The following SLC38A1 variants were observed in gnomAD, a reference collection of about 807,000 sequenced individuals.
SLC38A1 encodes the protein solute carrier family 38 member 1, also known as sodium-coupled neutral amino acid symporter 1.
A neutral mutation model predicts 60.3 loss-of-function variants in SLC38A1; 18 were observed. The observed-to-expected ratio is 0.30, with a 90% CI of 0.21 to 0.44. SLC38A1 has a LOEUF of 0.44. SLC38A1 is among the 20% of genes least tolerant of loss of function. The pLI is 1.00. For synonymous variants in SLC38A1, 196 were observed against 212.1 expected (o/e 0.92, Z 0.66); for missense variants, 448 against 587.2 (o/e 0.76, Z 2.45).
intron 5 of SLC38A1, among the ~76,000 whole-genome samples, chr12:46,209,426 T>G (rs772750615): frequency 6.6e-6 from 1 of 152,146 alleles, no homozygotes; most frequent in African/African-American, 2.4e-5. Context: ...GAAAGAAGGC[T>G]TTTGTAGTCT....
At chr12:46,258,101 G>A (rs1942089093) in intron 1 of SLC38A1, among the ~76,000 whole-genome samples, 1 of 152,202 alleles carries the variant, frequency 6.6e-6, no homozygotes, top group Non-Finnish European at 1.5e-5. Flanking sequence ...TGGTGGGAGT[G>A]TAGCAGTGAG....
chr12:46,257,719 G>A (rs993143049), intron 1 of SLC38A1, among the ~76,000 whole-genome samples: 6 of 152,120 alleles, frequency 3.9e-5, no homozygotes, highest in African/African-American at 1.4e-4. Flanking sequence ...GCTAGCCTTT[G>A]GATCAGGGGT....
At chr12:46,215,580 G>T (rs1419268833) in intron 5 of SLC38A1, among the ~76,000 whole-genome samples, 1 of 152,056 alleles carries the variant, frequency 6.6e-6, no homozygotes, top group Non-Finnish European at 1.5e-5. Context: ...GCTAATTTTT[G>T]TATTTTTTAG....
At position 46,205,939 on chromosome 12, in the gene SLC38A1, C is replaced by T. The variant is rs1185770348; in HGVS notation, c.646+141G>A. 2.7e-5 allele frequency: 14 copies of T among 515,376 alleles called. No individual in the cohort carries two copies. The East Asian group carries it at 2.9e-4, about 11-fold the overall frequency. The allele number at this position is 515,376 out of a possible 1,614,324, so 31.9% of individuals were successfully genotyped here. Reference sequence around the variant, plus strand: ...TTTTATCCCATATTAAAGTTGGGACCGATTAATACTTGCAATTTATCATGT... The same window carrying T: ...TTTTATCCCATATTAAAGTTGGGACTGATTAATACTTGCAATTTATCATGT... On this transcript the variant is annotated intron_variant, in intron 9 of 16. Coordinates refer to ENST00000398637, the MANE Select transcript of SLC38A1 (RefSeq NM_030674.4).
chr12:46,242,904 CT>C (rs1393904918), intron 2 of SLC38A1, among the ~76,000 whole-genome samples: 1 of 152,036 alleles, frequency 6.6e-6, no homozygotes, highest in Non-Finnish European at 1.5e-5. Context: ...TAAGATTTTT[CT>C]TCCTTTTCTC....
intron 13 of SLC38A1, among the ~76,000 whole-genome samples, chr12:46,200,459 A>T (rs1384839134): frequency 6.6e-6 from 1 of 152,116 alleles, no homozygotes; most frequent in African/African-American, 2.4e-5. Context: ...TAGGTCCCCA[A>T]TTATAAAGAT....
At chr12:46,255,200 G>A (rs12580460) in intron 1 of SLC38A1, among the ~76,000 whole-genome samples, 80,041 of 152,018 alleles carry the variant, frequency 0.53, 21,191 homozygotes, top group Non-Finnish European at 0.55. Flanking sequence ...ACAAGAAAAC[G>A]ATTGTCTGTG....
In SLC38A1 at chr12:46,200,370, CAT is replaced by C. The variant is rs559996976; in HGVS notation, c.1003+726_1003+727del. On this transcript the variant is annotated intron_variant, in intron 13 of 16. Coordinates refer to ENST00000398637, the MANE Select transcript of SLC38A1 (RefSeq NM_030674.4). Reference sequence around the variant, plus strand: ...AGTAGAGAAGATTGTGAAATACATACATATATATATATATACACACACATATA... The same window carrying C: ...AGTAGAGAAGATTGTGAAATACATACATATATATATATACACACACATATA... Among the ~76,000 whole-genome samples the C allele has an allele frequency of 2.6e-3, 389 of 149,366 alleles. 1 individual carries two copies. The highest frequency in any genetic ancestry group is 7.2e-3 in the African/African-American group (295 of 40,826).
chr12:46,222,500 T>C (rs1369216030), intron 5 of SLC38A1, among the ~76,000 whole-genome samples: 1 of 152,204 alleles, frequency 6.6e-6, no homozygotes, highest in African/African-American at 2.4e-5. Flanking sequence ...AATACTATGC[T>C]ACGCAGTAAC....
Position 46,268,882 on chromosome 12 carries a change from C to CTGAG in SLC38A1, c.-569_-566dup. On this transcript the variant is annotated 5_prime_UTR_variant, in exon 1 of 17. An upstream open reading frame in the 5' UTR loses its in-frame stop. Coordinates refer to ENST00000398637, the MANE Select transcript of SLC38A1 (RefSeq NM_030674.4). The surrounding 1 kb of genome is among the most constrained non-coding windows in gnomAD (Gnocchi z 4.4). ...GCACTTACATCGACATGCACCGGCG[C>CTGAG]TGAGGGTCACGAATCGGAGTCATTC... 2.2e-6 allele frequency: 1 copy of CTGAG among 455,968 alleles called. No homozygotes were observed. Among genetic ancestry groups the CTGAG allele is most frequent in the South Asian group, 1.6e-5 (1 of 64,490 alleles). The allele number at this position is 455,968 out of a possible 1,614,324, so 28.2% of individuals were successfully genotyped here.
At chr12:46,235,627 G>A (rs1941233137) in intron 3 of SLC38A1, among the ~76,000 whole-genome samples, 1 of 152,110 alleles carries the variant, frequency 6.6e-6, no homozygotes, top group Non-Finnish European at 1.5e-5. Flanking sequence ...AAGAAGTTAT[G>A]GAATCTTCTT....
intron 2 of SLC38A1, 81 bp from the exon 3 acceptor site, chr12:46,239,974 A>T: frequency 1.7e-6 from 1 of 592,964 alleles, no homozygotes; most frequent in Admixed American, 3.0e-5. Flanking sequence ...ATAAACAAGT[A>T]GTTAATTTAC....
chr12:46,217,433 G>T (rs1382764749), intron 5 of SLC38A1, among the ~76,000 whole-genome samples: 1 of 152,194 alleles, frequency 6.6e-6, no homozygotes, highest in Admixed American at 6.5e-5. Flanking sequence ...CGAACAGAGA[G>T]ACTTTGCGTG....
chr12:46,220,999 G>T (rs1940636227), intron 5 of SLC38A1, among the ~76,000 whole-genome samples: 1 of 152,078 alleles, frequency 6.6e-6, no homozygotes, highest in African/African-American at 2.4e-5. Context: ...AGGCTCAATT[G>T]TAAAACACTA....
At chr12:46,261,949 T>C (rs1942209795) in intron 1 of SLC38A1, among the ~76,000 whole-genome samples, 1 of 152,160 alleles carries the variant, frequency 6.6e-6, no homozygotes, top group African/African-American at 2.4e-5. Context: ...CCAGGGATGC[T>C]GGTAAACATC....
chr12:46,191,134 T>G (rs1033024370), intron 16 of SLC38A1, among the ~76,000 whole-genome samples: 18 of 152,218 alleles, frequency 1.2e-4, no homozygotes, highest in African/African-American at 4.3e-4. Context: ...GGGATTCAGT[T>G]TCAGCTTTCT....
intron 9 of SLC38A1, among the ~76,000 whole-genome samples, chr12:46,205,186 G>A (rs564282326): frequency 3.3e-5 from 5 of 151,948 alleles, no homozygotes; most frequent in East Asian, 1.9e-4. Flanking sequence ...GTAGCCTCTC[G>A]GGACTGCATT....
intron 5 of SLC38A1, among the ~76,000 whole-genome samples, chr12:46,221,329 C>G (rs942287115): frequency 1.3e-5 from 2 of 152,082 alleles, no homozygotes; most frequent in African/African-American, 4.8e-5. Context: ...AGCAATTTAA[C>G]AACAAATGCC....
At chr12:46,257,713 G>A (rs184034399) in intron 1 of SLC38A1, among the ~76,000 whole-genome samples, 1 of 152,146 alleles carries the variant, frequency 6.6e-6, no homozygotes, top group Non-Finnish European at 1.5e-5. Flanking sequence ...CCCAAAGCTA[G>A]CCTTTGGATC....
Sources: gnomAD v4.1 joint callset for allele counts (sites outside exome capture counted in the v4.1 genomes callset) on GRCh38, gnomAD v4.1.1 for gene constraint, Gnocchi (gnomAD v3.1) non-coding constraint, MANE v1.5 for transcripts, NCBI Gene and HGNC (gene_info 2026-07-23, HGNC 2026-07-21) for gene names.